Variants in TEAD1 observed in about 807,000 individuals in gnomAD.
TEAD1 encodes transcriptional enhancer factor TEF-1.
In TEAD1, 9 loss-of-function variants were observed where a neutral mutation model predicts 54.9. The ratio of observed to expected loss-of-function variants is 0.16; its 90% CI spans 0.10 to 0.29. The LOEUF (loss-of-function observed/expected upper bound fraction) is 0.29, where lower values mean the gene tolerates loss of function less well. Among genes scored for constraint, TEAD1 ranks in the 10% least tolerant of loss-of-function variants. The probability of loss-of-function intolerance (pLI) is 1.00; values close to 1 mark genes in which losing one functional copy is unlikely to be tolerated. For synonymous variants in TEAD1, 200 were observed against 187.8 expected, an observed-to-expected ratio of 1.07 and a Z score of -0.53; for missense variants, 387 against 535.9, an observed-to-expected ratio of 0.72 and a Z score of 2.74.
At chr11:12,714,788 T>G (rs1344661289) in intron 2 of TEAD1, among the ~76,000 whole-genome samples, 1 of 152,190 alleles carries the variant, frequency 6.6e-6, no homozygotes. Flanking sequence ...AGTAATGGTC[T>G]TCTTGCTGTG....
chr11:12,809,956 G>T (rs1467246103), intron 3 of TEAD1, among the ~76,000 whole-genome samples: 1 of 144,268 alleles, frequency 6.9e-6, no homozygotes, highest in East Asian at 2.1e-4. Flanking sequence ...AGGAAAGAAA[G>T]AAAACTCTTT....
At chr11:12,750,346 A>G (rs975399506) in intron 2 of TEAD1, among the ~76,000 whole-genome samples, 6 of 152,308 alleles carry the variant, frequency 3.9e-5, no homozygotes, top group Admixed American at 3.3e-4. Context: ...GGTACCGAGC[A>G]GAGTTAATCC....
intron 3 of TEAD1, among the ~76,000 whole-genome samples, chr11:12,789,321 G>A (rs1181022584): frequency 6.6e-6 from 1 of 152,176 alleles, no homozygotes; most frequent in Non-Finnish European, 1.5e-5. Flanking sequence ...AGCACATAGT[G>A]ACCAGTGTCA....
intron 5 of TEAD1, among the ~76,000 whole-genome samples, chr11:12,869,948 C>T (rs953777890): frequency 6.6e-6 from 1 of 152,182 alleles, no homozygotes; most frequent in East Asian, 1.9e-4. Context: ...GGCGCCATCT[C>T]GGCTCATTGC....
intron 11 of TEAD1, among the ~76,000 whole-genome samples, chr11:12,929,764 A>G (rs778298963): frequency 6.6e-6 from 1 of 152,118 alleles, no homozygotes; most frequent in Non-Finnish European, 1.5e-5. Context: ...TAAAGTAGAG[A>G]GATTAGCTAT....
chr11:12,683,701 C>T (rs900574478), intron 2 of TEAD1, among the ~76,000 whole-genome samples: 4 of 152,030 alleles, frequency 2.6e-5, no homozygotes, highest in Non-Finnish European at 4.4e-5. Flanking sequence ...CATATCGATA[C>T]GGTTTGTTGC....
intron 2 of TEAD1, among the ~76,000 whole-genome samples, chr11:12,739,200 C>T (rs946622380): frequency 1.4e-5 from 2 of 140,688 alleles, no homozygotes; most frequent in East Asian, 4.0e-4. Flanking sequence ...CTCATTCTTT[C>T]TATCTATCTA....
intron 3 of TEAD1, among the ~76,000 whole-genome samples, chr11:12,818,285 A>G (rs1946458971): frequency 6.6e-6 from 1 of 152,236 alleles, no homozygotes; most frequent in South Asian, 2.1e-4. Context: ...TCAAGGTTCT[A>G]CATCCTGCCT....
intron 10 of TEAD1, among the ~76,000 whole-genome samples, chr11:12,918,219 A>G (rs1361814067): frequency 3.9e-5 from 6 of 151,994 alleles, no homozygotes; most frequent in Non-Finnish European, 8.8e-5. Flanking sequence ...TAATGCTAGC[A>G]TTCTTTCTTT....
chr11:12,819,671 T>G (rs1461111158), intron 3 of TEAD1, among the ~76,000 whole-genome samples: 6 of 152,054 alleles, frequency 3.9e-5, no homozygotes, highest in African/African-American at 1.4e-4. Context: ...CAGGATGGTC[T>G]TGATCTCCTG....
chr11:12,690,258 A>AT (rs1416221591), intron 2 of TEAD1, among the ~76,000 whole-genome samples: 9 of 151,644 alleles, frequency 5.9e-5, no homozygotes, highest in African/African-American at 1.9e-4. Context: ...AAAAAAAAAA[A>AT]AAAAATAATA....
chr11:12,900,872 G>A (rs984586815), intron 9 of TEAD1, among the ~76,000 whole-genome samples: 4 of 152,170 alleles, frequency 2.6e-5, no homozygotes, highest in African/African-American at 9.7e-5. Flanking sequence ...ACCCTATTTG[G>A]TTCTGAGGCC....
intron 10 of TEAD1, among the ~76,000 whole-genome samples, chr11:12,906,541 CAAAAAA>C (rs57220080): frequency 7.0e-6 from 1 of 143,084 alleles, no homozygotes; most frequent in African/African-American, 2.6e-5. Flanking sequence ...GACTCCTTCT[CAAAAAA>C]AAAAAAAAAA....
At chr11:12,803,432 A>G (rs1946104400) in intron 3 of TEAD1, among the ~76,000 whole-genome samples, 1 of 152,238 alleles carries the variant, frequency 6.6e-6, no homozygotes. Flanking sequence ...GTTTGTGGGA[A>G]GAAGGCAACT....
chr11:12,820,891 A>G (rs1001609435), intron 3 of TEAD1, among the ~76,000 whole-genome samples: 7 of 152,236 alleles, frequency 4.6e-5, no homozygotes, highest in African/African-American at 9.6e-5. Context: ...AGGACCCCAG[A>G]AAGAAGGCAT....
chr11:12,853,849 C>T (rs1160143676), intron 3 of TEAD1, among the ~76,000 whole-genome samples: 1 of 152,158 alleles, frequency 6.6e-6, no homozygotes, highest in African/African-American at 2.4e-5. Flanking sequence ...CTTGAGTTAT[C>T]GCCAGACACT....
chr11:12,675,613 G>C (rs750660823), intron 2 of TEAD1, 52 bp downstream of exon 2: 7 of 152,200 alleles, frequency 4.6e-5, no homozygotes, highest in African/African-American at 1.7e-4. Flanking sequence ...ATGATCCCCG[G>C]GGGGGAGAAA....
intron 3 of TEAD1, among the ~76,000 whole-genome samples, chr11:12,768,753 A>G (rs1945257520): frequency 6.6e-6 from 1 of 152,220 alleles, no homozygotes; most frequent in Non-Finnish European, 1.5e-5. Flanking sequence ...TGAACCAGAC[A>G]GACATGGTCC....
intron 4 of TEAD1, 45 bp downstream of exon 4, chr11:12,862,359 A>C: frequency 1.3e-6 from 2 of 1,589,380 alleles, no homozygotes; most frequent in East Asian, 2.2e-5. Flanking sequence ...CGAATGGCCC[A>C]AAAAGGCATT....
Sources: gnomAD v4.1 joint callset for allele counts (sites outside exome capture counted in the v4.1 genomes callset) on GRCh38, gnomAD v4.1.1 for gene constraint, MANE v1.5 for transcripts, NCBI Gene and HGNC (gene_info 2026-07-23, HGNC 2026-07-21) for gene names.